CNTNAP2: variants seen among roughly 807,000 people sequenced by gnomAD.
CNTNAP2 encodes the protein contactin associated protein 2, also known as contactin-associated protein-like 2.
CNTNAP2 carries 98 observed loss-of-function variants against 155.2 expected under a neutral mutation model. The ratio of observed to expected loss-of-function variants is 0.63; its 90% CI spans 0.54 to 0.75. The LOEUF (loss-of-function observed/expected upper bound fraction) is 0.75. Ranked by LOEUF, CNTNAP2 falls within the 30% of genes least tolerant of loss-of-function variation. The probability of loss-of-function intolerance (pLI) is 0.00; values close to 1 mark genes in which losing one functional copy is unlikely to be tolerated. For missense variants in CNTNAP2, 1,727 were observed against 1,688.1 expected, an observed-to-expected ratio of 1.02 and a Z score of -0.40; for synonymous variants, 651 against 631.2, an observed-to-expected ratio of 1.03 and a Z score of -0.47.
At position 147,066,264 on chromosome 7, in the gene CNTNAP2, T is replaced by C. The variant is rs1479594827; in HGVS notation, c.550+22210T>C. ...CAGCAGATCGTCGTCAGTTCTAAGG[T>C]TATTTCGTCAGTTCTGTTACCATTA... On this transcript the variant is annotated intron_variant, in intron 4 of 23. Transcript: ENST00000361727. Among the ~76,000 whole-genome samples, 4 of 148,952 alleles carry C rather than the reference T, an allele frequency of 2.7e-5. No homozygotes were observed. In the South Asian group the frequency reaches 8.3e-4, roughly 31 times the overall value.
intron 13 of CNTNAP2, among the ~76,000 whole-genome samples, chr7:147,886,845 T>C (rs2116724935): frequency 6.6e-6 from 1 of 152,294 alleles, no homozygotes; most frequent in Admixed American, 6.5e-5. Flanking sequence ...CTACTGACAT[T>C]TCTTTCAAAA....
chr7:146,383,930 T>C (rs1795425579), intron 1 of CNTNAP2, among the ~76,000 whole-genome samples: 2 of 152,308 alleles, frequency 1.3e-5, no homozygotes, highest in African/African-American at 4.8e-5. Flanking sequence ...ATCAATGAAT[T>C]AGGTTAATTT....
At chr7:146,831,943 G>A (rs1029052370) in intron 2 of CNTNAP2, among the ~76,000 whole-genome samples, 8 of 152,056 alleles carry the variant, frequency 5.3e-5, no homozygotes, top group African/African-American at 1.9e-4. Context: ...ATTTATATAA[G>A]TATTAATTTA....
intron 15 of CNTNAP2, among the ~76,000 whole-genome samples, chr7:148,069,080 TTGTGTC>T (rs1803325901): frequency 6.6e-6 from 1 of 152,196 alleles, no homozygotes; most frequent in South Asian, 2.1e-4. Flanking sequence ...TTCACATTGT[TTGTGTC>T]TGTCTCTCAG....
chr7:147,928,842 G>A (rs1455669234), intron 14 of CNTNAP2, among the ~76,000 whole-genome samples: 4 of 151,936 alleles, frequency 2.6e-5, no homozygotes, highest in African/African-American at 7.3e-5. Flanking sequence ...TGTAATCCCA[G>A]GACTTTGAGA....
chr7:146,123,206 C>T lies in CNTNAP2; in HGVS notation c.97+6233C>T, dbSNP rs144072659. ...AAAATACAGAGGAGCTCCTGGGGGC[C>T]GTATTCTGTATTTACCTTGTGATTT... On this transcript the variant is annotated intron_variant, in intron 1 of 23. Coordinates refer to ENST00000361727, the MANE Select transcript of CNTNAP2 (RefSeq NM_014141.6). Among the ~76,000 whole-genome samples, 377 of 152,094 alleles carry T rather than the reference C, an allele frequency of 2.5e-3. 3 individuals carry two copies. Among genetic ancestry groups the T allele is most frequent in the Non-Finnish European group, 4.0e-3 (273 of 67,982 alleles).
intron 13 of CNTNAP2, among the ~76,000 whole-genome samples, chr7:147,801,222 A>C (rs1445310653): frequency 6.6e-6 from 1 of 152,036 alleles, no homozygotes; most frequent in Non-Finnish European, 1.5e-5. Flanking sequence ...TATATCATGC[A>C]TACATTCGTG....
intron 1 of CNTNAP2, among the ~76,000 whole-genome samples, chr7:146,577,285 C>A (rs1341588070): frequency 1.3e-5 from 2 of 152,032 alleles, no homozygotes; most frequent in African/African-American, 4.8e-5. Context: ...AAGTTTTTGC[C>A]TAAGTGCTGA....
intron 3 of CNTNAP2, among the ~76,000 whole-genome samples, chr7:146,995,765 A>T (rs1798296678): frequency 6.6e-6 from 1 of 152,096 alleles, no homozygotes; most frequent in African/African-American, 2.4e-5. Flanking sequence ...CCATGAATGT[A>T]TCAGATGTGT....
intron 1 of CNTNAP2, among the ~76,000 whole-genome samples, chr7:146,155,964 A>T (rs982779909): frequency 1.3e-5 from 2 of 151,932 alleles, no homozygotes; most frequent in Non-Finnish European, 2.9e-5. Context: ...TCGGCCTCCC[A>T]AAGTGCTGGG....
chr7:147,741,898 G>A lies in CNTNAP2; in HGVS notation c.2098+102592G>A, dbSNP rs537011051. The stretch of plus-strand genomic sequence containing the variant: ...CCATTCTCATGCTGCTGATAAAGAC[G>A]TACCAGAGACTGGGCAATTTACAAA... On this transcript the variant is annotated intron_variant, in intron 13 of 23. Coordinates refer to ENST00000361727, the MANE Select transcript of CNTNAP2 (RefSeq NM_014141.6). Among the ~76,000 whole-genome samples, 7 of 152,156 alleles carry A rather than the reference G, an allele frequency of 4.6e-5. No homozygotes were observed. The South Asian group carries it at 1.0e-3, about 23-fold the overall frequency.
intron 2 of CNTNAP2, among the ~76,000 whole-genome samples, chr7:146,822,613 C>T (rs189847743): frequency 4.7e-5 from 7 of 148,864 alleles, no homozygotes; most frequent in East Asian, 2.0e-4. Flanking sequence ...AGATGGTTAA[C>T]GAAAGAGTGA....
At chr7:147,422,529 A>G (rs139104142) in intron 10 of CNTNAP2, among the ~76,000 whole-genome samples, 26 of 152,198 alleles carry the variant, frequency 1.7e-4, no homozygotes, top group African/African-American at 6.3e-4. Context: ...AAATAAGCCT[A>G]TGCCTCATTC....
chr7:147,861,450 T>A (rs1266963171), intron 13 of CNTNAP2, among the ~76,000 whole-genome samples: 1 of 152,196 alleles, frequency 6.6e-6, no homozygotes, highest in East Asian at 1.9e-4. Context: ...GGCTGTTCAG[T>A]TACACAGGCA....
rs550551357 is a variant in CNTNAP2, at chr7:146,207,128, C to T, written c.97+90155C>T. The stretch of plus-strand genomic sequence containing the variant: ...CTATCTAAAAAAAATCAGACCTTAC[C>T]TCCCTTTTCCAGTGGAGCCTTTTAA... On this transcript the variant is annotated intron_variant, in intron 1 of 23. Transcript: ENST00000361727. Among the ~76,000 whole-genome samples, 7 of 152,048 alleles carry T rather than the reference C, an allele frequency of 4.6e-5. No homozygotes were observed. The South Asian group carries it at 1.5e-3, about 32-fold the overall frequency.
At chr7:147,465,900 T>G (rs970342951) in intron 10 of CNTNAP2, among the ~76,000 whole-genome samples, 1 of 151,290 alleles carries the variant, frequency 6.6e-6, no homozygotes, top group Non-Finnish European at 1.5e-5. Context: ...AAGTCAATAT[T>G]CAATGGACGT....
intron 20 of CNTNAP2, among the ~76,000 whole-genome samples, chr7:148,266,020 C>T (rs867182502): frequency 6.6e-6 from 1 of 152,190 alleles, no homozygotes; most frequent in Admixed American, 6.5e-5. Context: ...TGAGCAAGGA[C>T]TCTGGATCGT....
chr7:147,394,807 TTGTGTGTGTGTGTGTGTGTGTGTG>T (rs61695156), intron 9 of CNTNAP2, among the ~76,000 whole-genome samples: 1 of 139,350 alleles, frequency 7.2e-6, no homozygotes, highest in Non-Finnish European at 1.6e-5. Flanking sequence ...ATCAACAGTA[TTGTGTGTGTGTGTGTGTGTGTGTG>T]TGTGTGTGTG....
chr7:147,454,279 C>T (rs1454809867), intron 10 of CNTNAP2, among the ~76,000 whole-genome samples: 1 of 152,032 alleles, frequency 6.6e-6, no homozygotes, highest in Non-Finnish European at 1.5e-5. Flanking sequence ...GTTTTCCAAT[C>T]TTATATTTTG....
Sources: gnomAD v4.1 joint callset for allele counts (sites outside exome capture counted in the v4.1 genomes callset) on GRCh38, gnomAD v4.1.1 for gene constraint, MANE v1.5 for transcripts, NCBI Gene and HGNC (gene_info 2026-07-23, HGNC 2026-07-21) for gene names.